Variants in SYN2 observed in about 807,000 individuals in gnomAD.
SYN2 encodes the protein synapsin-2.
In SYN2, 19 loss-of-function variants were observed where a neutral mutation model predicts 50.9. The ratio of observed to expected loss-of-function variants is 0.37; its 90% CI spans 0.26 to 0.55. SYN2 has a LOEUF of 0.55. Among genes scored for constraint, SYN2 ranks in the 20% least tolerant of loss-of-function variants. The pLI is 0.81. For synonymous variants in SYN2, 255 were observed against 224.9 expected (o/e 1.13, Z -1.20); for missense variants, 587 against 576.4 (o/e 1.02, Z -0.19).
At chr3:12,169,487 C>G (rs1359713067) in intron 9 of SYN2, among the ~76,000 whole-genome samples, 1 of 152,224 alleles carries the variant, frequency 6.6e-6, no homozygotes, top group African/African-American at 2.4e-5. Context: ...TGCTTTCTAC[C>G]TCTTCTGGCT....
intron 1 of SYN2, among the ~76,000 whole-genome samples, chr3:12,024,594 A>G (rs893876224): frequency 6.6e-6 from 1 of 152,120 alleles, no homozygotes. Context: ...CATGAGATGC[A>G]TTTGTTTTCT....
Position 12,181,302 on chromosome 3 carries a change from C to T in SYN2, c.1309-2010C>T, listed in dbSNP as rs185359136. Among the ~76,000 whole-genome samples the T allele has an allele frequency of 2.2e-3, 339 of 152,344 alleles. 1 individual carries two copies. The highest frequency in any genetic ancestry group is 3.7e-3 in the Non-Finnish European group (252 of 68,038). ...CTTCAGTGGTACTGGGCATGAGGCC[C>T]TGGGGGAGAGACCAGCGAGAGCCAG... On this transcript the variant is annotated intron_variant, in intron 10 of 12. Transcript: ENST00000621198.
chr3:12,076,188 A>G (rs1695463180), intron 1 of SYN2, among the ~76,000 whole-genome samples: 9 of 152,078 alleles, frequency 5.9e-5, no homozygotes, highest in Admixed American at 5.3e-4. Flanking sequence ...GGGGAAAAGC[A>G]GTCTAGTGGG....
chr3:12,140,078 G>T (rs1696979226), intron 1 of SYN2, among the ~76,000 whole-genome samples: 1 of 152,188 alleles, frequency 6.6e-6, no homozygotes, highest in African/African-American at 2.4e-5. Flanking sequence ...GCTTCCCTCA[G>T]TCTTTTCCCG....
intron 10 of SYN2, among the ~76,000 whole-genome samples, chr3:12,175,692 G>A (rs1469591854): frequency 1.3e-5 from 2 of 152,236 alleles, no homozygotes; most frequent in East Asian, 3.8e-4. Context: ...CACCTAAAAT[G>A]GGGACAGGGA....
chr3:12,149,142 C>T (rs1400842533), intron 4 of SYN2, among the ~76,000 whole-genome samples: 1 of 152,140 alleles, frequency 6.6e-6, no homozygotes, highest in Non-Finnish European at 1.5e-5. Flanking sequence ...TGGGAGTCTG[C>T]CACAGGCTGT....
intron 5 of SYN2, among the ~76,000 whole-genome samples, chr3:12,155,287 A>C (rs1405796043): frequency 6.6e-6 from 1 of 152,240 alleles, no homozygotes; most frequent in Non-Finnish European, 1.5e-5. Flanking sequence ...AGTAGGGAAA[A>C]ATTACACTAT....
chr3:12,061,292 A>C (rs979569902), intron 1 of SYN2, among the ~76,000 whole-genome samples: 2 of 152,172 alleles, frequency 1.3e-5, no homozygotes, highest in African/African-American at 4.8e-5. Flanking sequence ...CAGAAGAAAT[A>C]TATGGTAAGA....
At chr3:12,070,383 C>A in intron 1 of SYN2, 1 of 526,508 alleles carries the variant, frequency 1.9e-6, no homozygotes, top group South Asian at 1.6e-5. Flanking sequence ...AGGACTCCTA[C>A]GTGGGTGATG....
intron 10 of SYN2, among the ~76,000 whole-genome samples, chr3:12,182,570 A>G (rs1211198377): frequency 6.6e-6 from 1 of 152,128 alleles, no homozygotes; most frequent in Non-Finnish European, 1.5e-5. Flanking sequence ...GGGAGGGAAA[A>G]GCAGCCTGGC....
At position 12,145,545 on chromosome 3, in the gene SYN2, A is replaced by G. The variant is rs1195566097; in HGVS notation, c.528-134A>G. The G allele has an allele frequency of 4.9e-6, 5 of 1,023,784 alleles. No individual in the cohort carries two copies. In the East Asian group the frequency reaches 7.9e-5, roughly 16 times the overall value. 63.4% of individuals were successfully genotyped at this position (1,023,784 alleles called of 1,614,324 possible). A position where few individuals can be genotyped will look rare whatever the true frequency, so the allele number is the denominator to read the frequency against. ...AGTAAGACCTGTCTCTAAAATAACA[A>G]CAGTAAAATGAGGGGCTTGGACTAG... On this transcript the variant is annotated intron_variant, in intron 3 of 12. Coordinates refer to ENST00000621198, the MANE Select transcript of SYN2 (RefSeq NM_133625.6).
At chr3:12,104,629 C>A (rs1435918508) in intron 1 of SYN2, among the ~76,000 whole-genome samples, 2 of 117,602 alleles carry the variant, frequency 1.7e-5, no homozygotes, top group African/African-American at 6.7e-5. Flanking sequence ...GGCTGGAGTG[C>A]GGTGGAGCGA....
In SYN2 at chr3:12,171,983, C is replaced by A. The variant is rs1190061747; in HGVS notation, c.1308+2077C>A. Reference sequence around the variant, plus strand: ...GTGTCAGAGTCAAGGCAGAAAACAGCAAGGAATAAGCTCCCTAAATATAGC... The same window carrying A: ...GTGTCAGAGTCAAGGCAGAAAACAGAAAGGAATAAGCTCCCTAAATATAGC... On this transcript the variant is annotated intron_variant, in intron 10 of 12. Coordinates refer to ENST00000621198, the MANE Select transcript of SYN2 (RefSeq NM_133625.6). Among the ~76,000 whole-genome samples, 3 of 152,306 alleles carry A rather than the reference C, an allele frequency of 2.0e-5. No individual in the cohort carries two copies. In the South Asian group the frequency reaches 6.2e-4, roughly 32 times the overall value.
chr3:12,181,019 A>G (rs759632472), intron 10 of SYN2, among the ~76,000 whole-genome samples: 1 of 152,234 alleles, frequency 6.6e-6, no homozygotes, highest in Non-Finnish European at 1.5e-5. Flanking sequence ...AATATTATCT[A>G]TGATGTCTTT....
intron 1 of SYN2, among the ~76,000 whole-genome samples, chr3:12,073,292 T>G (rs1237650257): frequency 6.6e-6 from 1 of 152,208 alleles, no homozygotes; most frequent in African/African-American, 2.4e-5. Context: ...GCCAAGGTGA[T>G]GAGTCACCCA....
intron 1 of SYN2, among the ~76,000 whole-genome samples, chr3:12,057,710 T>A (rs986273189): frequency 5.3e-5 from 8 of 152,222 alleles, no homozygotes; most frequent in African/African-American, 1.9e-4. Context: ...TGGTTTCCAA[T>A]CTCTATAGCT....
At chr3:12,156,747 T>C in intron 5 of SYN2, 1 of 1,244,962 alleles carries the variant, frequency 8.0e-7, no homozygotes, top group Non-Finnish European at 1.2e-6. Context: ...AGGAAGACCC[T>C]GGCTCCTTTC....
chr3:12,106,638 C>T lies in SYN2; in HGVS notation c.378-34013C>T, dbSNP rs550592124. On this transcript the variant is annotated intron_variant, in intron 1 of 12. Coordinates refer to ENST00000621198, the MANE Select transcript of SYN2 (RefSeq NM_133625.6). Reference sequence around the variant, plus strand: ...TACAATCTTATTCATGTTTAAATCCCTAGTCTCTAGCATAGTATATCATTG... The same window carrying T: ...TACAATCTTATTCATGTTTAAATCCTTAGTCTCTAGCATAGTATATCATTG... 3.9e-5 allele frequency among the ~76,000 whole-genome samples: 6 copies of T among 152,144 alleles called. No homozygotes were observed. In the South Asian group the frequency reaches 1.2e-3, roughly 32 times the overall value.
At position 12,144,988 on chromosome 3, in the gene SYN2, G is replaced by A. The variant is rs1230329115; in HGVS notation, c.528-691G>A. 3.3e-5 allele frequency among the ~76,000 whole-genome samples: 5 copies of A among 152,078 alleles called. No individual in the cohort carries two copies. The South Asian group carries it at 6.2e-4, about 19-fold the overall frequency. The stretch of plus-strand genomic sequence containing the variant: ...GGAGGTTGCAATGAGCTGAGATCGC[G>A]CCACTGCACTCTAGCCTGGGCAACG... On this transcript the variant is annotated intron_variant, in intron 3 of 12. Transcript: ENST00000621198.
Sources: allele counts gnomAD v4.1 joint callset (sites outside exome capture counted in the v4.1 genomes callset), GRCh38; gene constraint gnomAD v4.1.1; transcripts MANE v1.5; gene names NCBI Gene and HGNC (gene_info 2026-07-23, HGNC 2026-07-21).